Variants in STK39 observed in about 807,000 individuals in gnomAD.
STK39 encodes the protein serine/threonine kinase 39.
Under a neutral mutation model 77.8 loss-of-function variants are expected in STK39, and 20 were observed. The ratio of observed to expected loss-of-function variants is 0.26; its 90% CI spans 0.18 to 0.37. The LOEUF (loss-of-function observed/expected upper bound fraction) is 0.37. Ranked by LOEUF, STK39 falls within the 10% of genes least tolerant of loss-of-function variation. The probability of loss-of-function intolerance (pLI) is 1.00; values close to 1 mark genes in which losing one functional copy is unlikely to be tolerated. For missense variants in STK39, 479 were observed against 656.5 expected (o/e 0.73, Z 2.95); for synonymous variants, 246 against 234.1 (o/e 1.05, Z -0.47).
At chr2:168,183,329 C>A (rs1878487) in intron 1 of STK39, among the ~76,000 whole-genome samples, 11,165 of 152,066 alleles carry the variant, frequency 0.073, 980 homozygotes, top group East Asian at 0.23. Context: ...GAAAGAAAAT[C>A]CACACACACA....
At chr2:168,209,223 T>A (rs1373835060) in intron 1 of STK39, among the ~76,000 whole-genome samples, 1 of 152,200 alleles carries the variant, frequency 6.6e-6, no homozygotes, top group Non-Finnish European at 1.5e-5. Flanking sequence ...ATGAAAGTCT[T>A]AAGCAAAATC....
chr2:168,099,326 G>A (rs1186059385), intron 10 of STK39, among the ~76,000 whole-genome samples: 1 of 152,210 alleles, frequency 6.6e-6, no homozygotes, highest in Non-Finnish European at 1.5e-5. Context: ...TCTAGAGAGC[G>A]AAATCACCAA....
chr2:167,956,700 T>C (rs147663435), intron 17 of STK39, among the ~76,000 whole-genome samples: 14 of 73,356 alleles, frequency 1.9e-4, no homozygotes, highest in African/African-American at 4.6e-4. Flanking sequence ...ACACACACTC[T>C]CTCTCTCTCT....
At chr2:168,109,961 A>G (rs1687078021) in intron 10 of STK39, among the ~76,000 whole-genome samples, 1 of 152,172 alleles carries the variant, frequency 6.6e-6, no homozygotes, top group Admixed American at 6.5e-5. Flanking sequence ...GTATGCCTTA[A>G]AAATGTCTTT....
intron 12 of STK39, among the ~76,000 whole-genome samples, chr2:168,068,233 A>C (rs190689360): frequency 1.3e-5 from 2 of 152,312 alleles, no homozygotes; most frequent in Admixed American, 1.3e-4. Context: ...GGAACAATGG[A>C]TTAATGTTGA....
chr2:168,238,163 G>GACCCCA (rs60770601), intron 1 of STK39, among the ~76,000 whole-genome samples: 2,562 of 152,202 alleles, frequency 0.017, 84 homozygotes, highest in African/African-American at 0.059. Flanking sequence ...CTTCTTCTAA[G>GACCCCA]ACCCCAACCA....
chr2:168,174,839 A>AAG (rs1688916441), intron 2 of STK39, among the ~76,000 whole-genome samples: 1 of 151,418 alleles, frequency 6.6e-6, no homozygotes, highest in Non-Finnish European at 1.5e-5. Flanking sequence ...TCTTAAAAAA[A>AAG]AAAAAAAAAA....
intron 1 of STK39, among the ~76,000 whole-genome samples, chr2:168,190,725 A>C (rs975440109): frequency 6.6e-6 from 1 of 152,200 alleles, no homozygotes; most frequent in Non-Finnish European, 1.5e-5. Context: ...ACTAGACTGT[A>C]GGCTGGACAC....
At chr2:167,992,103 T>G (rs1482701403) in intron 16 of STK39, among the ~76,000 whole-genome samples, 1 of 152,230 alleles carries the variant, frequency 6.6e-6, no homozygotes, top group East Asian at 1.9e-4. Flanking sequence ...TAAATGAGTC[T>G]GAAGTTCAAA....
intron 1 of STK39, among the ~76,000 whole-genome samples, chr2:168,240,579 A>C (rs1379312352): frequency 1.3e-5 from 2 of 152,234 alleles, no homozygotes; most frequent in East Asian, 3.8e-4. Context: ...AAGACAGGAA[A>C]GTATAGGATG....
chr2:167,986,479 C>T (rs1683560636), intron 16 of STK39, among the ~76,000 whole-genome samples: 1 of 152,132 alleles, frequency 6.6e-6, no homozygotes, highest in African/African-American at 2.4e-5. Flanking sequence ...AAGTTCCTCA[C>T]GTGCATATGA....
chr2:168,032,158 T>C (rs1407263005), intron 14 of STK39, among the ~76,000 whole-genome samples: 1 of 152,210 alleles, frequency 6.6e-6, no homozygotes, highest in African/African-American at 2.4e-5. Context: ...ATGAAGGATA[T>C]ATCCAAGGAC....
At chr2:168,050,464 G>T (rs1015356625) in intron 14 of STK39, among the ~76,000 whole-genome samples, 2 of 152,324 alleles carry the variant, frequency 1.3e-5, no homozygotes. Flanking sequence ...TGTGAAGAAA[G>T]ATTATTTTGG....
chr2:168,057,278 C>A (rs1014499682), intron 14 of STK39, among the ~76,000 whole-genome samples: 1 of 152,190 alleles, frequency 6.6e-6, no homozygotes, highest in African/African-American at 2.4e-5. Context: ...CTGCAACCTC[C>A]ACCTCCCGTG....
intron 5 of STK39, among the ~76,000 whole-genome samples, chr2:168,152,037 T>G (rs1315536015): frequency 6.6e-6 from 1 of 152,098 alleles, no homozygotes; most frequent in Non-Finnish European, 1.5e-5. Flanking sequence ...CAGTAAGAAG[T>G]AGAGTCACTG....
At chr2:168,063,414 G>A (rs1685711842) in intron 14 of STK39, 86 bp downstream of exon 14, 1 of 1,194,598 alleles carries the variant, frequency 8.4e-7, no homozygotes, top group Non-Finnish European at 1.2e-6. Context: ...TCTATTTTAT[G>A]CTAATATTAT....
At chr2:168,199,888 C>T (rs1243378294) in intron 1 of STK39, among the ~76,000 whole-genome samples, 1 of 152,178 alleles carries the variant, frequency 6.6e-6, no homozygotes, top group African/African-American at 2.4e-5. Context: ...CCCAAAAGGA[C>T]ATCCAAATTC....
chr2:167,972,138 A>G (rs1692364859), intron 16 of STK39, among the ~76,000 whole-genome samples: 1 of 152,242 alleles, frequency 6.6e-6, no homozygotes. Context: ...GCTAAGGGAA[A>G]GGGAACCCAG....
intron 10 of STK39, among the ~76,000 whole-genome samples, chr2:168,112,293 C>A (rs1687139315): frequency 6.6e-6 from 1 of 152,086 alleles, no homozygotes; most frequent in African/African-American, 2.4e-5. Flanking sequence ...TCTTCAAAAA[C>A]CCCTCATGTG....
Sources: gnomAD v4.1 joint callset for allele counts (sites outside exome capture counted in the v4.1 genomes callset) on GRCh38, gnomAD v4.1.1 for gene constraint, MANE v1.5 for transcripts, NCBI Gene and HGNC (gene_info 2026-07-23, HGNC 2026-07-21) for gene names.